Variants in STEAP4 observed in about 807,000 individuals in gnomAD.
The protein encoded by STEAP4 is metalloreductase STEAP4.
In STEAP4, 36 loss-of-function variants were observed where a neutral mutation model predicts 43.6. The ratio of observed to expected loss-of-function variants is 0.83; its 90% CI spans 0.63 to 1.09. STEAP4 has a LOEUF of 1.09. Ranked by LOEUF, STEAP4 falls within the 50% of genes least tolerant of loss-of-function variation. The pLI, the probability that STEAP4 is intolerant of heterozygous loss-of-function variation, is 0.00. For missense variants in STEAP4, 495 were observed against 546.5 expected, an observed-to-expected ratio of 0.91 and a Z score of 0.94; for synonymous variants, 191 against 196.7, an observed-to-expected ratio of 0.97 and a Z score of 0.24.
intron 2 of STEAP4, 167 bp from the exon 3 acceptor site, chr7:88,283,335 A>T (rs1472279989): frequency 1.3e-6 from 1 of 756,998 alleles, no homozygotes; most frequent in Admixed American, 3.5e-5. Context: ...TTAAACTTGT[A>T]TGTGGTGTCT....
chr7:88,285,452 C>T (rs1376130735), intron 1 of STEAP4, among the ~76,000 whole-genome samples: 1 of 152,016 alleles, frequency 6.6e-6, no homozygotes, highest in Non-Finnish European at 1.5e-5. Context: ...AAATGGGATG[C>T]TAGTCATATT....
rs1852521872 is a variant in STEAP4, at chr7:88,276,971, A to G, written c.*2427T>C. The G allele has an allele frequency of 6.6e-6, 1 of 152,214 alleles. No homozygotes were observed. Among genetic ancestry groups the G allele is most frequent in the Non-Finnish European group, 1.5e-5 (1 of 68,036 alleles). The allele number at this position is 152,214 out of a possible 1,614,324, so 9.4% of individuals were successfully genotyped here. On this transcript the variant is annotated 3_prime_UTR_variant, in exon 5 of 5. Coordinates refer to ENST00000380079, the MANE Select transcript of STEAP4 (RefSeq NM_024636.4). ...TTTTCTATAGGTCAGCATTTTACCT[A>G]TGGATGGCATTTTCTATTTTCGGTG...
At chr7:88,295,853 A>G (rs1852915102) in intron 1 of STEAP4, among the ~76,000 whole-genome samples, 1 of 152,208 alleles carries the variant, frequency 6.6e-6, no homozygotes, top group Admixed American at 6.5e-5. Flanking sequence ...AGGAAAGATA[A>G]GAGGAAGAAC....
In STEAP4 at chr7:88,277,281, A is replaced by G. The variant is rs1312693798; in HGVS notation, c.*2117T>C. 1.3e-5 allele frequency: 2 copies of G among 152,188 alleles called. No individual in the cohort carries two copies. Among genetic ancestry groups the G allele is most frequent in the East Asian group, 3.8e-4 (2 of 5,196 alleles). 9.4% of individuals were successfully genotyped at this position (152,188 alleles called of 1,614,324 possible). ...TTTTGTATCCTTGCTTGGGTTTATC[A>G]AAGATAAGTTGAAGGAGCGTGTGTT... On this transcript the variant is annotated 3_prime_UTR_variant, in exon 5 of 5. Coordinates refer to ENST00000380079, the MANE Select transcript of STEAP4 (RefSeq NM_024636.4).
Position 88,283,913 on chromosome 7 carries a change from C to T in STEAP4, c.357G>A (p.Glu119=). 1 of 1,614,164 alleles carries T rather than the reference C, an allele frequency of 6.2e-7. No individual in the cohort carries two copies. The change falls in exon 2 of 5, where the codon GAG becomes GAA. Residue 119 remains glutamate, a synonymous_variant. Transcript: ENST00000380079. ...KINQYPESNA[E]YLAHLVPGAH... is the part of the protein sequence containing the mutation. ...CTCCTGGCACCAAATGAGCAAGGTA[C>T]TCTGCATTAGATTCTGGATATTGAT... is the stretch of plus-strand genomic sequence containing the variant.
chr7:88,286,118 C>G (rs10257084), intron 1 of STEAP4, among the ~76,000 whole-genome samples: 23,423 of 152,094 alleles, frequency 0.15, 1,993 homozygotes, highest in Non-Finnish European at 0.2. Flanking sequence ...TAAAGAGGAC[C>G]AAATCAAGAC....
At chr7:88,281,142 C>A in intron 3 of STEAP4, 63 bp from the exon 4 acceptor site, 1 of 1,332,738 alleles carries the variant, frequency 7.5e-7, no homozygotes, top group East Asian at 2.8e-5. Context: ...ACAAACTGCC[C>A]ACACTTTGAC....
Position 88,284,096 on chromosome 7 carries a change from C to A in STEAP4, c.174G>T (p.Leu58=), listed in dbSNP as rs1852681085. 2 of 1,614,124 alleles carry A rather than the reference C, an allele frequency of 1.2e-6. No homozygotes were observed. Among genetic ancestry groups the A allele is most frequent in the South Asian group, 1.1e-5 (1 of 91,082 alleles). Residue 58 remains leucine (L), a synonymous_variant, in exon 2 of 5, where the codon CTG becomes CTT. Coordinates refer to ENST00000380079, the MANE Select transcript of STEAP4 (RefSeq NM_024636.4). ...GSRNPQKTTL[L]PSGAEVLSYS... ...AGCTCAAGACTTCTGCACCACTGGG[C>A]AGTAGGGTGGTCTTCTGGGGGTTTC...
At chr7:88,286,764 A>AACAC (rs61360123) in intron 1 of STEAP4, among the ~76,000 whole-genome samples, 18,878 of 133,616 alleles carry the variant, frequency 0.14, 1,415 homozygotes, top group Non-Finnish European at 0.18. Context: ...CATACATATA[A>AACAC]ACACACACAC....
intron 1 of STEAP4, among the ~76,000 whole-genome samples, chr7:88,295,970 G>A (rs753150301): frequency 3.3e-5 from 5 of 151,920 alleles, no homozygotes; most frequent in African/African-American, 4.8e-5. Context: ...TTTGAGAACC[G>A]GAGGCAAAAT....
chr7:88,279,718 C>T (rs1299142582), intron 4 of STEAP4, 90 bp from the exon 5 acceptor site: 5 of 1,108,228 alleles, frequency 4.5e-6, no homozygotes, highest in Non-Finnish European at 5.2e-6. Context: ...TTGTCAACAA[C>T]CACAAACATT....
Position 88,279,099 on chromosome 7 carries a change from C to A in STEAP4, c.*299G>T. 2.7e-6 allele frequency: 1 copy of A among 375,338 alleles called. No individual in the cohort carries two copies. Among genetic ancestry groups the A allele is most frequent in the Non-Finnish European group, 5.0e-6 (1 of 201,086 alleles). 23.3% of individuals were successfully genotyped at this position (375,338 alleles called of 1,614,324 possible). On this transcript the variant is annotated 3_prime_UTR_variant, in exon 5 of 5. Transcript: ENST00000380079. ...ATTAGGTCATGCATGTTGCCCATAA[C>A]AAGGAAACTCTTTAGTGTGAAACCA... is the stretch of plus-strand genomic sequence containing the variant.
rs1489581481 is a variant in STEAP4, at chr7:88,274,036, A to G, written c.*5362T>C. On this transcript the variant is annotated 3_prime_UTR_variant, in exon 5 of 5. Transcript: ENST00000380079. Reference sequence around the variant, plus strand: ...TAGTCTATTTTGTGGATTCAAAGGGACATTTAAGAGGACAGCATGGGTGTC... The same window carrying G: ...TAGTCTATTTTGTGGATTCAAAGGGGCATTTAAGAGGACAGCATGGGTGTC... 6.6e-6 allele frequency: 1 copy of G among 152,186 alleles called. No homozygotes were observed. The highest frequency in any genetic ancestry group is 1.5e-5 in the Non-Finnish European group (1 of 68,032). The allele number at this position is 152,186 out of a possible 1,614,324, so 9.4% of individuals were successfully genotyped here. A position where few individuals can be genotyped will look rare whatever the true frequency, so the allele number is the denominator to read the frequency against.
chr7:88,281,403 C>G (rs1852618489), intron 3 of STEAP4: 1 of 188,280 alleles, frequency 5.3e-6, no homozygotes, highest in Non-Finnish European at 1.1e-5. Flanking sequence ...ACTTGATGTT[C>G]TCAAACAATT....
intron 3 of STEAP4, chr7:88,282,147 CT>C (rs202221497): frequency 1.8e-3 from 257 of 145,020 alleles, no homozygotes; most frequent in Admixed American, 2.5e-3. Flanking sequence ...TTTTTTCTTT[CT>C]TTTTTTTTTT....
intron 1 of STEAP4, among the ~76,000 whole-genome samples, chr7:88,297,434 AG>A (rs1465741853): frequency 1.3e-5 from 2 of 152,168 alleles, no homozygotes; most frequent in African/African-American, 4.8e-5. Context: ...AGAACTGTTT[AG>A]CATAAATCTC....
chr7:88,289,319 A>G (rs1206522458), intron 1 of STEAP4, among the ~76,000 whole-genome samples: 1 of 152,170 alleles, frequency 6.6e-6, no homozygotes, highest in Non-Finnish European at 1.5e-5. Flanking sequence ...AGAAAGAAGG[A>G]AAGAAGTGGA....
intron 1 of STEAP4, among the ~76,000 whole-genome samples, chr7:88,306,577 A>T (rs116471139): frequency 0.021 from 3,164 of 152,350 alleles, 67 homozygotes; most frequent in South Asian, 0.062. Context: ...ACCCTGGGGT[A>T]GGGATGAGCC....
intron 1 of STEAP4, among the ~76,000 whole-genome samples, chr7:88,289,591 G>A (rs868118358): frequency 3.7e-4 from 57 of 152,318 alleles, no homozygotes; most frequent in African/African-American, 1.3e-3. Flanking sequence ...CAAAAGCAGA[G>A]CATTTAGGCC....
Sources: gnomAD v4.1 joint callset for allele counts (sites outside exome capture counted in the v4.1 genomes callset) on GRCh38, gnomAD v4.1.1 for gene constraint, MANE v1.5 for transcripts, NCBI Gene and HGNC (gene_info 2026-07-23, HGNC 2026-07-21) for gene names.